LRP1B: variants seen among roughly 807,000 people sequenced by gnomAD.
LRP1B encodes LDL receptor related protein 1B, also known as low-density lipoprotein receptor-related protein 1B.
LRP1B carries 217 observed loss-of-function variants against 556.6 expected under a neutral mutation model. The ratio of observed to expected loss-of-function variants is 0.39; its 90% confidence interval spans 0.35 to 0.44. The LOEUF is 0.44. Ranked by LOEUF, LRP1B falls within the 20% of genes least tolerant of loss-of-function variation. LRP1B has a pLI of 1.00. For synonymous variants in LRP1B, 2,047 were observed against 1,865.8 expected, an observed-to-expected ratio of 1.10 and a Z score of -2.50; for missense variants, 5,053 against 5,620.8, an observed-to-expected ratio of 0.90 and a Z score of 3.23.
chr2:140,335,927 T>G lies in LRP1B; in HGVS notation c.11893-89A>C, dbSNP rs140910201. 2.8e-4 allele frequency: 220 copies of G among 797,536 alleles called. No homozygotes were observed. The African/African-American group carries it at 3.3e-3, about 12-fold the overall frequency. The allele number at this position is 797,536 out of a possible 1,614,324, so 49.4% of individuals were successfully genotyped here. The stretch of plus-strand genomic sequence containing the variant: ...TCTTTACATTGAAGTTATGGGGGAA[T>G]TGTAAGAACATAGTCATGAGTTAAT... On this transcript the variant is annotated intron_variant, in intron 77 of 90. Transcript: ENST00000389484.
chr2:141,718,320 A>G (rs1692691232), intron 2 of LRP1B, among the ~76,000 whole-genome samples: 1 of 152,144 alleles, frequency 6.6e-6, no homozygotes, highest in African/African-American at 2.4e-5. Flanking sequence ...TGCCGTTGGC[A>G]ATAGCTTAAA....
chr2:141,809,525 T>G (rs1430231824), intron 2 of LRP1B, among the ~76,000 whole-genome samples: 1 of 152,036 alleles, frequency 6.6e-6, no homozygotes, highest in Non-Finnish European at 1.5e-5. Flanking sequence ...TTCATACCCC[T>G]TATGGTAAGT....
At chr2:140,845,519 C>T (rs1223946523) in intron 29 of LRP1B, among the ~76,000 whole-genome samples, 1 of 151,078 alleles carries the variant, frequency 6.6e-6, no homozygotes, top group South Asian at 2.1e-4. Context: ...AAAACACACA[C>T]AAAGAAATGA....
At chr2:141,616,511 C>G (rs187041118) in intron 2 of LRP1B, among the ~76,000 whole-genome samples, 58 of 152,214 alleles carry the variant, frequency 3.8e-4, no homozygotes, top group African/African-American at 1.4e-3. Flanking sequence ...ATATACCTGA[C>G]TTTCTTTCAA....
intron 2 of LRP1B, among the ~76,000 whole-genome samples, chr2:141,650,445 T>C (rs1689744324): frequency 2.0e-5 from 3 of 152,116 alleles, no homozygotes; most frequent in Admixed American, 6.6e-5. Context: ...ACCTTTCCAT[T>C]TCAGCCTAAG....
chr2:141,544,356 T>TCC (rs1327998300), intron 2 of LRP1B, among the ~76,000 whole-genome samples: 1 of 96,760 alleles, frequency 1.0e-5, no homozygotes, highest in African/African-American at 3.6e-5. Flanking sequence ...CTTCTTCTTC[T>TCC]TCTTCTTCTT....
intron 1 of LRP1B, among the ~76,000 whole-genome samples, chr2:142,068,269 T>G (rs1705181868): frequency 8.5e-6 from 1 of 117,988 alleles, no homozygotes; most frequent in South Asian, 2.6e-4. Flanking sequence ...GAAAATACCA[T>G]AGGTGCTTTT....
chr2:141,370,836 T>C (rs569324121), intron 3 of LRP1B, among the ~76,000 whole-genome samples: 54 of 152,276 alleles, frequency 3.5e-4, no homozygotes, highest in African/African-American at 1.3e-3. Flanking sequence ...ATGAGATATA[T>C]GGATCCAGTT....
At chr2:140,247,543 CTG>C (rs1681220207) in intron 86 of LRP1B, among the ~76,000 whole-genome samples, 1 of 151,538 alleles carries the variant, frequency 6.6e-6, no homozygotes. Context: ...CTGTAAGTAT[CTG>C]TGTCTTTTTC....
At chr2:140,344,268 C>A (rs1681541221) in intron 77 of LRP1B, among the ~76,000 whole-genome samples, 1 of 151,724 alleles carries the variant, frequency 6.6e-6, no homozygotes, top group Non-Finnish European at 1.5e-5. Context: ...GTGAAAAGTG[C>A]AGCAAGGAGA....
At chr2:140,524,721 C>T (rs1690351413) in intron 49 of LRP1B, among the ~76,000 whole-genome samples, 1 of 151,752 alleles carries the variant, frequency 6.6e-6, no homozygotes, top group Non-Finnish European at 1.5e-5. Context: ...CACATGTTCC[C>T]AGTTGCAAGT....
At chr2:141,477,297 GGA>G (rs1559093736) in intron 3 of LRP1B, among the ~76,000 whole-genome samples, 1 of 143,750 alleles carries the variant, frequency 7.0e-6, no homozygotes, top group Non-Finnish European at 1.5e-5. Flanking sequence ...GAATTGTTCT[GGA>G]AAAAAAAAAA....
chr2:141,688,205 TACAC>T (rs773794577), intron 2 of LRP1B, among the ~76,000 whole-genome samples: 6 of 149,874 alleles, frequency 4.0e-5, no homozygotes, highest in African/African-American at 9.7e-5. Context: ...CATATAAATA[TACAC>T]ACACACACAC....
intron 1 of LRP1B, among the ~76,000 whole-genome samples, chr2:141,967,514 C>T (rs1048099251): frequency 2.6e-5 from 4 of 151,748 alleles, no homozygotes; most frequent in African/African-American, 9.7e-5. Flanking sequence ...GATTCTCATT[C>T]CTTTCAATCT....
chr2:142,033,180 A>C (rs1703765471), intron 1 of LRP1B, among the ~76,000 whole-genome samples: 1 of 151,788 alleles, frequency 6.6e-6, no homozygotes, highest in East Asian at 1.9e-4. Context: ...TAATTCCTAT[A>C]ATTAGGAATT....
intron 46 of LRP1B, among the ~76,000 whole-genome samples, chr2:140,535,885 T>C (rs1690937676): frequency 6.6e-6 from 1 of 152,106 alleles, no homozygotes; most frequent in Non-Finnish European, 1.5e-5. Context: ...ATGTTTGATG[T>C]GGACCATGCC....
chr2:141,389,153 A>G (rs977937568), intron 3 of LRP1B, among the ~76,000 whole-genome samples: 1 of 152,208 alleles, frequency 6.6e-6, no homozygotes. Flanking sequence ...TGGAATTACA[A>G]GGGTCTCTGA....
At chr2:141,256,916 T>C (rs1305107683) in intron 3 of LRP1B, among the ~76,000 whole-genome samples, 1 of 151,760 alleles carries the variant, frequency 6.6e-6, no homozygotes, top group Non-Finnish European at 1.5e-5. Context: ...ATACTTGGGT[T>C]ACAAATAAAA....
chr2:140,746,251 A>G (rs1296515532), intron 35 of LRP1B, among the ~76,000 whole-genome samples: 2 of 152,200 alleles, frequency 1.3e-5, no homozygotes, highest in African/African-American at 2.4e-5. Context: ...CCCCCCACAT[A>G]TAAGTTCCCT....
Sources: gnomAD v4.1 joint callset for allele counts (sites outside exome capture counted in the v4.1 genomes callset) on GRCh38, gnomAD v4.1.1 for gene constraint, MANE v1.5 for transcripts, NCBI Gene and HGNC (gene_info 2026-07-23, HGNC 2026-07-21) for gene names.